The following PRH1 variants were observed in gnomAD, a reference collection of about 807,000 sequenced individuals.
PRH1 encodes the protein salivary acidic proline-rich phosphoprotein 1/2.
PRH1 carries 7 observed loss-of-function variants against 7.9 expected under a neutral mutation model. The ratio of observed to expected loss-of-function variants is 0.89; its 90% CI spans 0.50 to 1.67. PRH1 has a LOEUF of 1.67. PRH1 is among the 40% of genes most tolerant of loss of function. The pLI is 0.00. For missense variants in PRH1, 109 were observed against 223.6 expected, an observed-to-expected ratio of 0.49 and a Z score of 3.27; for synonymous variants, 45 against 80.8, an observed-to-expected ratio of 0.56 and a Z score of 2.38.
At chr12:11,021,638 G>A in intron 1 of PRH1, 1 of 1,569,864 alleles carries the variant, frequency 6.4e-7, no homozygotes, top group Middle Eastern at 1.7e-4. Flanking sequence ...CTCCCCTTGT[G>A]AATCTATGGA....
intron 1 of PRH1, among the ~76,000 whole-genome samples, chr12:10,980,631 A>C (rs1237965318): frequency 6.6e-6 from 1 of 152,182 alleles, no homozygotes; most frequent in Non-Finnish European, 1.5e-5. Flanking sequence ...CCATTTGGCT[A>C]CATTATCAGT....
At chr12:11,091,121 T>C (rs375193751) in intron 1 of PRH1, among the ~76,000 whole-genome samples, 2,810 of 47,814 alleles carry the variant, frequency 0.059, 850 homozygotes, top group South Asian at 0.12. Flanking sequence ...CACACATATA[T>C]ATATATATAT....
At chr12:11,091,700 A>G (rs114386807) in intron 1 of PRH1, 31,978 of 946,430 alleles carry the variant, frequency 0.034, 11,492 homozygotes, top group Admixed American at 0.078. Context: ...GGTTACAGTC[A>G]TATTTGAAAA....
chr12:11,014,341 CA>C (rs1431005133), intron 1 of PRH1, among the ~76,000 whole-genome samples: 3 of 152,020 alleles, frequency 2.0e-5, no homozygotes, highest in Non-Finnish European at 4.4e-5. Context: ...GAGAGGGCAG[CA>C]TCCTGAAATC....
At chr12:10,892,686 T>C (rs752199167) in intron 2 of PRH1, among the ~76,000 whole-genome samples, 7 of 152,168 alleles carry the variant, frequency 4.6e-5, no homozygotes, top group Non-Finnish European at 8.8e-5. Flanking sequence ...AAGACTGCCA[T>C]AAACAAGCTA....
intron 2 of PRH1, among the ~76,000 whole-genome samples, chr12:10,924,918 G>T (rs1217934152): frequency 6.6e-6 from 1 of 151,872 alleles, no homozygotes; most frequent in Non-Finnish European, 1.5e-5. Flanking sequence ...CTTGCTACTG[G>T]TCTATCAATT....
rs562236488 is a variant in PRH1, at chr12:11,031,335, T to C, written c.-126+15685A>G. The C allele has an allele frequency of 2.5e-6, 4 of 1,610,840 alleles. No homozygotes were observed. In the South Asian group the frequency reaches 3.3e-5, roughly 13 times the overall value. On this transcript the variant is annotated intron_variant, in intron 1 of 3. Coordinates refer to the PRH1 transcript ENST00000539853. ...AAAATGATGGGTATAAAAGTTGTCA[T>C]GTCTGAACAGACAAAAAAAAATTGT...
chr12:10,937,002 A>G (rs1350770189), intron 2 of PRH1, among the ~76,000 whole-genome samples: 5 of 152,126 alleles, frequency 3.3e-5, no homozygotes, highest in African/African-American at 4.8e-5. Context: ...ACCCCAGAAC[A>G]AATTTTTAGC....
At chr12:11,165,330 T>C (rs1218947179) in intron 1 of PRH1, among the ~76,000 whole-genome samples, 1 of 152,128 alleles carries the variant, frequency 6.6e-6, no homozygotes, top group Non-Finnish European at 1.5e-5. Flanking sequence ...CTCTCTTTCA[T>C]TTTTCTGTTT....
chr12:11,024,784 A>G (rs749901159), intron 1 of PRH1, among the ~76,000 whole-genome samples: 5 of 152,268 alleles, frequency 3.3e-5, no homozygotes, highest in Non-Finnish European at 7.3e-5. Flanking sequence ...TCCTCTGTGT[A>G]TATATATCTG....
chr12:10,933,110 C>T (rs142230733), intron 2 of PRH1, among the ~76,000 whole-genome samples: 1 of 152,046 alleles, frequency 6.6e-6, no homozygotes, highest in East Asian at 1.9e-4. Context: ...ATAAGGGAAA[C>T]AGATAATCTT....
chr12:10,943,956 T>C (rs1216278985), intron 2 of PRH1, among the ~76,000 whole-genome samples: 4 of 152,246 alleles, frequency 2.6e-5, no homozygotes, highest in Non-Finnish European at 2.9e-5. Context: ...AGTACCATGC[T>C]ATATTGGTCA....
intron 1 of PRH1, among the ~76,000 whole-genome samples, chr12:11,111,853 T>G (rs958253249): frequency 2.0e-5 from 3 of 152,006 alleles, no homozygotes; most frequent in Non-Finnish European, 2.9e-5. Context: ...AGAAAATCAA[T>G]GAATCCAGGA....
chr12:11,028,245 G>A (rs1404820763), intron 1 of PRH1, among the ~76,000 whole-genome samples: 4 of 152,220 alleles, frequency 2.6e-5, no homozygotes, highest in East Asian at 1.9e-4. Flanking sequence ...CTGACCAATA[G>A]GAAATAGAAG....
chr12:11,137,864 A>C (rs924266878), intron 1 of PRH1, among the ~76,000 whole-genome samples: 12 of 152,270 alleles, frequency 7.9e-5, no homozygotes, highest in Middle Eastern at 3.4e-3. Context: ...TGATGATGGC[A>C]GGTAAAAGGG....
At chr12:10,976,659 T>C (rs1037207658) in intron 1 of PRH1, among the ~76,000 whole-genome samples, 2 of 148,516 alleles carry the variant, frequency 1.3e-5, no homozygotes, top group African/African-American at 4.9e-5. Context: ...TTAAGATAGA[T>C]AGAACACTAG....
chr12:11,017,488 T>A (rs10772416), intron 1 of PRH1, among the ~76,000 whole-genome samples: 32,281 of 150,216 alleles, frequency 0.21, 3,997 homozygotes, highest in Non-Finnish European at 0.27. Flanking sequence ...TTAATTAATT[T>A]ATTTATTTAT....
intron 1 of PRH1, among the ~76,000 whole-genome samples, chr12:10,996,135 G>A (rs1206961262): frequency 6.6e-6 from 1 of 151,506 alleles, no homozygotes; most frequent in African/African-American, 2.4e-5. Flanking sequence ...GGCCAGCATG[G>A]TGAAACCCCA....
intron 2 of PRH1, among the ~76,000 whole-genome samples, chr12:10,952,497 T>G (rs1272753216): frequency 6.6e-6 from 1 of 152,110 alleles, no homozygotes; most frequent in African/African-American, 2.4e-5. Context: ...AATACAAAGT[T>G]GGAGGATTAG....
Sources: allele counts gnomAD v4.1 joint callset (sites outside exome capture counted in the v4.1 genomes callset), GRCh38; gene constraint gnomAD v4.1.1; transcripts MANE v1.5; gene names NCBI Gene and HGNC (gene_info 2026-07-23, HGNC 2026-07-21).